TRAK1: variants seen among roughly 807,000 people sequenced by gnomAD.
TRAK1 encodes the protein trafficking kinesin protein 1.
A neutral mutation model predicts 92.1 loss-of-function variants in TRAK1; 33 were observed. That is an observed-to-expected ratio of 0.36 (90% CI 0.27 to 0.48). TRAK1 has a LOEUF of 0.48. Ranked by LOEUF, TRAK1 falls within the 20% of genes least tolerant of loss-of-function variation. The probability of loss-of-function intolerance (pLI) is 0.99; values close to 1 mark genes in which losing one functional copy is unlikely to be tolerated. For synonymous variants in TRAK1, 521 were observed against 517.3 expected (o/e 1.01, Z -0.10); for missense variants, 1,123 against 1,257.9 (o/e 0.89, Z 1.62).
intron 2 of TRAK1, among the ~76,000 whole-genome samples, chr3:42,163,234 C>G (rs1576717927): frequency 6.6e-6 from 1 of 152,164 alleles, no homozygotes; most frequent in African/African-American, 2.4e-5. Context: ...AGTGGGGTCC[C>G]TGACCAGCAG....
At chr3:42,083,078 A>G (rs536386282), upstream of TRAK1, among the ~76,000 whole-genome samples, 6 of 152,344 alleles carry the variant, frequency 3.9e-5, no homozygotes, top group South Asian at 1.2e-3. Flanking sequence ...AAATTTTGTC[A>G]GGCTGTTCTT....
chr3:42,028,174 G>C (rs1049902585), intron 1 of TRAK1, among the ~76,000 whole-genome samples: 7 of 152,204 alleles, frequency 4.6e-5, no homozygotes, highest in African/African-American at 1.7e-4. Flanking sequence ...TTACAAACTA[G>C]TGGATACAGG....
At chr3:42,068,849 C>T (rs1192539396) in intron 1 of TRAK1, among the ~76,000 whole-genome samples, 1 of 152,216 alleles carries the variant, frequency 6.6e-6, no homozygotes, top group Non-Finnish European at 1.5e-5. Context: ...CTTGTAACAG[C>T]TTCCCATTTT....
chr3:42,083,320 A>G (rs1405284366), upstream of TRAK1, among the ~76,000 whole-genome samples: 1 of 152,082 alleles, frequency 6.6e-6, no homozygotes, highest in African/African-American at 2.4e-5. Flanking sequence ...AGGTCTGTGA[A>G]TGAAGTGCAT....
At chr3:42,149,636 TA>T (rs1699729923) in intron 2 of TRAK1, 1 of 1,535,754 alleles carries the variant, frequency 6.5e-7, no homozygotes, top group Non-Finnish European at 8.7e-7. Flanking sequence ...CCGGGATGTA[TA>T]GGGGTATTGT....
intron 2 of TRAK1, among the ~76,000 whole-genome samples, chr3:42,134,608 A>T (rs1206107660): frequency 1.3e-5 from 1 of 79,120 alleles, no homozygotes; most frequent in African/African-American, 5.2e-5. Flanking sequence ...TTTTTTTGAG[A>T]CAGAGTCTCG....
chr3:42,141,130 T>C (rs1326073286), intron 2 of TRAK1, among the ~76,000 whole-genome samples: 1 of 152,222 alleles, frequency 6.6e-6, no homozygotes, highest in African/African-American at 2.4e-5. Context: ...TTAGTGTTCA[T>C]TCATCTTTTT....
intron 2 of TRAK1, among the ~76,000 whole-genome samples, chr3:42,138,148 A>G (rs989995694): frequency 8.5e-5 from 13 of 152,212 alleles, no homozygotes; most frequent in African/African-American, 2.9e-4. Context: ...CTTTCAGGTG[A>G]TAATGTAGGA....
intron 2 of TRAK1, among the ~76,000 whole-genome samples, chr3:42,142,468 A>G (rs1031432457): frequency 1.3e-5 from 2 of 152,180 alleles, no homozygotes; most frequent in East Asian, 1.9e-4. Flanking sequence ...CCTCTGGCCA[A>G]TCCGTCACCT....
intron 1 of TRAK1, among the ~76,000 whole-genome samples, chr3:42,115,765 G>A (rs1326649379): frequency 6.6e-6 from 1 of 152,168 alleles, no homozygotes; most frequent in Non-Finnish European, 1.5e-5. Context: ...CAGCAAGTGA[G>A]CTGTCCCTCA....
At chr3:42,075,459 A>C (rs184596873) in intron 1 of TRAK1, among the ~76,000 whole-genome samples, 2 of 151,104 alleles carry the variant, frequency 1.3e-5, no homozygotes, top group East Asian at 3.9e-4. Flanking sequence ...ACATGTGCTT[A>C]TGTGTTTATG....
intron 2 of TRAK1, among the ~76,000 whole-genome samples, chr3:42,172,760 A>AG (rs768512201): frequency 2.0e-5 from 3 of 152,138 alleles, no homozygotes; most frequent in Non-Finnish European, 4.4e-5. Context: ...TGTTAGTCAG[A>AG]GGTGAGGCGT....
intron 1 of TRAK1, among the ~76,000 whole-genome samples, chr3:42,044,190 T>C (rs1266250105): frequency 6.6e-6 from 1 of 152,238 alleles, no homozygotes; most frequent in South Asian, 2.1e-4. Flanking sequence ...AAACAGGGTC[T>C]TGCTCTGTCG....
intron 14 of TRAK1, among the ~76,000 whole-genome samples, chr3:42,215,798 A>G (rs1416846860): frequency 6.6e-6 from 1 of 152,182 alleles, no homozygotes; most frequent in Admixed American, 6.5e-5. Flanking sequence ...GGTGTGTGGC[A>G]TGGCCAGTGT....
intron 3 of TRAK1, among the ~76,000 whole-genome samples, chr3:42,180,149 A>G (rs1376243804): frequency 6.6e-6 from 1 of 152,188 alleles, no homozygotes; most frequent in African/African-American, 2.4e-5. Flanking sequence ...TTGTTGCCTC[A>G]GTAAAATTAA....
intron 2 of TRAK1, among the ~76,000 whole-genome samples, chr3:42,147,128 A>G (rs1699419357): frequency 6.6e-6 from 1 of 152,140 alleles, no homozygotes; most frequent in African/African-American, 2.4e-5. Flanking sequence ...ATGGCCAGAG[A>G]TAGGACAATA....
intron 1 of TRAK1, among the ~76,000 whole-genome samples, chr3:42,119,198 C>T (rs925241652): frequency 7.9e-5 from 12 of 152,122 alleles, no homozygotes; most frequent in African/African-American, 2.4e-4. Context: ...CTTCTAACAT[C>T]GTAGTGAAGT....
At chr3:42,163,821 G>T (rs925663843) in intron 2 of TRAK1, among the ~76,000 whole-genome samples, 14 of 152,120 alleles carry the variant, frequency 9.2e-5, no homozygotes, top group Admixed American at 8.5e-4. Flanking sequence ...TCCTTCTCTT[G>T]TTTGTTTCTA....
At chr3:42,174,993 T>G (rs1257968573) in intron 2 of TRAK1, among the ~76,000 whole-genome samples, 1 of 152,010 alleles carries the variant, frequency 6.6e-6, no homozygotes. Context: ...AATAATATAG[T>G]GTTAGAGAAA....
Sources: allele counts gnomAD v4.1 joint callset (sites outside exome capture counted in the v4.1 genomes callset), GRCh38; gene constraint gnomAD v4.1.1; transcripts MANE v1.5; gene names NCBI Gene and HGNC (gene_info 2026-07-23, HGNC 2026-07-21).